Variants in KCNMA1 observed in about 807,000 individuals in gnomAD.
KCNMA1 encodes the protein potassium calcium-activated channel subfamily M alpha 1.
A neutral mutation model predicts 140.0 loss-of-function variants in KCNMA1; 29 were observed. The observed-to-expected ratio is 0.21, with a 90% confidence interval of 0.15 to 0.28. KCNMA1 has a LOEUF of 0.28. KCNMA1 is among the 10% of genes least tolerant of loss of function. The probability of loss-of-function intolerance (pLI) is 1.00; values close to 1 mark genes in which losing one functional copy is unlikely to be tolerated. For missense variants in KCNMA1, 880 were observed against 1,602.2 expected (o/e 0.55, Z 7.70); for synonymous variants, 612 against 611.9 (o/e 1.00, Z 0.00).
chr10:77,185,236 A>G (rs1252493836), intron 3 of KCNMA1, among the ~76,000 whole-genome samples: 5 of 152,072 alleles, frequency 3.3e-5, no homozygotes, highest in African/African-American at 4.8e-5. Flanking sequence ...GACAAGCAGG[A>G]GAGGCCTCCA....
chr10:76,986,066 A>G (rs2153274661), intron 19 of KCNMA1, among the ~76,000 whole-genome samples: 1 of 152,322 alleles, frequency 6.6e-6, no homozygotes, highest in Admixed American at 6.5e-5. Flanking sequence ...TTTGATCTCA[A>G]GCAAAACTAC....
chr10:77,503,732 CCAG>C (rs1429865034), intron 1 of KCNMA1, among the ~76,000 whole-genome samples: 2 of 152,148 alleles, frequency 1.3e-5, no homozygotes, highest in African/African-American at 4.8e-5. Flanking sequence ...CCTCATGGAT[CCAG>C]CACTCCTTAA....
intron 14 of KCNMA1, among the ~76,000 whole-genome samples, chr10:77,040,975 G>A (rs1232866670): frequency 2.0e-5 from 3 of 152,154 alleles, no homozygotes; most frequent in African/African-American, 4.8e-5. Flanking sequence ...ATTTCACAAT[G>A]TAGTGAATCT....
At chr10:76,896,616 G>T (rs1263150202) in intron 25 of KCNMA1, among the ~76,000 whole-genome samples, 3 of 152,222 alleles carry the variant, frequency 2.0e-5, no homozygotes, top group African/African-American at 7.2e-5. Flanking sequence ...TTCTGCCAAG[G>T]CTTCAGCCAG....
intron 1 of KCNMA1, among the ~76,000 whole-genome samples, chr10:77,620,423 T>C (rs555244093): frequency 1.2e-4 from 18 of 152,262 alleles, no homozygotes; most frequent in African/African-American, 4.1e-4. Flanking sequence ...AATAGCACAG[T>C]TGGCAACAGA....
intron 14 of KCNMA1, chr10:77,064,153 C>G: frequency 1.0e-6 from 1 of 978,272 alleles, no homozygotes; most frequent in Non-Finnish European, 1.2e-6. Flanking sequence ...GCTATAAAAC[C>G]AAGAGGAAAA....
intron 17 of KCNMA1, among the ~76,000 whole-genome samples, chr10:77,013,632 C>G (rs2091372634): frequency 1.1e-4 from 16 of 152,150 alleles, no homozygotes; most frequent in Admixed American, 1.0e-3. Flanking sequence ...ATAACGGTAA[C>G]AATCATATAG....
chr10:77,423,633 G>A (rs1320051638), intron 1 of KCNMA1, among the ~76,000 whole-genome samples: 1 of 152,122 alleles, frequency 6.6e-6, no homozygotes, highest in Non-Finnish European at 1.5e-5. Context: ...TGAAAAATCA[G>A]AGCCAAGTGA....
chr10:77,263,615 C>T (rs2062596786), intron 2 of KCNMA1, among the ~76,000 whole-genome samples: 1 of 152,126 alleles, frequency 6.6e-6, no homozygotes, highest in Non-Finnish European at 1.5e-5. Context: ...CAAGGTCTTA[C>T]TTTGTAAAAG....
At chr10:77,135,883 A>G (rs2098008569) in intron 5 of KCNMA1, among the ~76,000 whole-genome samples, 1 of 152,232 alleles carries the variant, frequency 6.6e-6, no homozygotes. Context: ...TAAGTTTAAG[A>G]TATCTACTGT....
intron 14 of KCNMA1, among the ~76,000 whole-genome samples, chr10:77,042,899 T>A (rs2094818619): frequency 2.0e-5 from 3 of 152,254 alleles, no homozygotes; most frequent in Admixed American, 2.0e-4. Context: ...TCTTAGGATC[T>A]GTTCTAGCTT....
At chr10:77,363,072 G>T (rs1298161513) in intron 2 of KCNMA1, among the ~76,000 whole-genome samples, 1 of 152,092 alleles carries the variant, frequency 6.6e-6, no homozygotes, top group Non-Finnish European at 1.5e-5. Context: ...TGCTGTCAAG[G>T]TGACTTACAA....
At chr10:77,387,809 G>A (rs10824535) in intron 2 of KCNMA1, among the ~76,000 whole-genome samples, 2,110 of 152,046 alleles carry the variant, frequency 0.014, 47 homozygotes, top group African/African-American at 0.048. Context: ...GTTGAGACAG[G>A]GTTTTAGCAT....
intron 1 of KCNMA1, among the ~76,000 whole-genome samples, chr10:77,485,054 C>G (rs1182434917): frequency 6.6e-6 from 1 of 152,200 alleles, no homozygotes; most frequent in East Asian, 1.9e-4. Context: ...AAGACTCACT[C>G]TCTCCTTCTT....
intron 1 of KCNMA1, among the ~76,000 whole-genome samples, chr10:77,563,804 A>T (rs374997007): frequency 6.6e-6 from 1 of 152,156 alleles, no homozygotes; most frequent in African/African-American, 2.4e-5. Context: ...CCATGCATCC[A>T]TCCTTCTGTG....
chr10:77,245,350 G>A (rs1284926352), intron 3 of KCNMA1, among the ~76,000 whole-genome samples: 1 of 152,182 alleles, frequency 6.6e-6, no homozygotes, highest in Non-Finnish European at 1.5e-5. Context: ...GGTATACACA[G>A]TCCTTTACAG....
chr10:77,566,303 C>A (rs952002741), intron 1 of KCNMA1, among the ~76,000 whole-genome samples: 2 of 152,184 alleles, frequency 1.3e-5, no homozygotes, highest in Non-Finnish European at 2.9e-5. Context: ...TCCCTGGTCT[C>A]CCAGGGATCC....
At chr10:77,394,355 C>T (rs941181521) in intron 2 of KCNMA1, among the ~76,000 whole-genome samples, 4 of 152,204 alleles carry the variant, frequency 2.6e-5, no homozygotes, top group Admixed American at 6.5e-5. Flanking sequence ...CAGGGCGTGC[C>T]GGAGAGCCCA....
intron 2 of KCNMA1, among the ~76,000 whole-genome samples, chr10:77,259,761 C>G (rs1055381254): frequency 1.3e-5 from 2 of 152,184 alleles, no homozygotes. Context: ...CACAGGTATT[C>G]TGTTTTGTGT....
Sources: allele counts gnomAD v4.1 joint callset (sites outside exome capture counted in the v4.1 genomes callset), GRCh38; gene constraint gnomAD v4.1.1; transcripts MANE v1.5; gene names NCBI Gene and HGNC (gene_info 2026-07-23, HGNC 2026-07-21).